The following SCAPER variants were observed in gnomAD, a reference collection of about 807,000 sequenced individuals.
SCAPER encodes the protein S phase cyclin A-associated protein in the endoplasmic reticulum.
In SCAPER, 98 loss-of-function variants were observed where a neutral mutation model predicts 182.2. The ratio of observed to expected loss-of-function variants is 0.54; its 90% confidence interval spans 0.46 to 0.64. The LOEUF (loss-of-function observed/expected upper bound fraction) is 0.64. Among genes scored for constraint, SCAPER ranks in the 30% least tolerant of loss-of-function variants. The pLI is 0.00. For missense variants in SCAPER, 1,432 were observed against 1,690.0 expected (o/e 0.85, Z 2.68); for synonymous variants, 605 against 564.6 (o/e 1.07, Z -1.01).
chr15:76,625,130 G>C (rs1021153561), intron 21 of SCAPER, among the ~76,000 whole-genome samples: 2 of 152,170 alleles, frequency 1.3e-5, no homozygotes, highest in Non-Finnish European at 2.9e-5. Flanking sequence ...CAACATGCTT[G>C]GTTACTGGGG....
chr15:76,772,122 G>A (rs1290472385), intron 9 of SCAPER, among the ~76,000 whole-genome samples, 168 bp from the exon 10 acceptor site: 1 of 151,992 alleles, frequency 6.6e-6, no homozygotes, highest in African/African-American at 2.4e-5. Flanking sequence ...TGTAACAAAA[G>A]GACAGGGACC....
intron 2 of SCAPER, among the ~76,000 whole-genome samples, chr15:76,870,978 C>A (rs1168341904): frequency 6.6e-6 from 1 of 151,978 alleles, no homozygotes; most frequent in Non-Finnish European, 1.5e-5. Context: ...GAAGTAGTTA[C>A]AAGTAACCTC....
intron 22 of SCAPER, among the ~76,000 whole-genome samples, chr15:76,595,485 C>T (rs1216001444): frequency 1.6e-5 from 2 of 121,740 alleles, no homozygotes; most frequent in African/African-American, 5.0e-5. Flanking sequence ...CTACAGAACT[C>T]TCCACCCCAA....
chr15:76,511,817 AAG>A (rs2042044453), intron 23 of SCAPER, among the ~76,000 whole-genome samples: 2 of 147,802 alleles, frequency 1.4e-5, no homozygotes, highest in African/African-American at 5.0e-5. Context: ...AAGGCTGACA[AAG>A]ATACACTTAT....
chr15:76,665,606 T>C (rs1357988138), intron 21 of SCAPER, 47 bp downstream of exon 21: 3 of 1,528,032 alleles, frequency 2.0e-6, no homozygotes, highest in Non-Finnish European at 8.7e-7. Flanking sequence ...CATTAAAAGA[T>C]ACATCACTAA....
intron 5 of SCAPER, among the ~76,000 whole-genome samples, chr15:76,818,322 A>G (rs150673210): frequency 6.6e-6 from 1 of 152,358 alleles, no homozygotes; most frequent in African/African-American, 2.4e-5. Context: ...ACCCAACTGT[A>G]AAATACAAAA....
intron 22 of SCAPER, among the ~76,000 whole-genome samples, chr15:76,614,443 T>A (rs150706167): frequency 6.6e-6 from 1 of 152,060 alleles, no homozygotes; most frequent in African/African-American, 2.4e-5. Context: ...GAAGACTCAA[T>A]AGATTCACAA....
chr15:76,471,095 CTTCT>C (rs1801803420), intron 25 of SCAPER, 113 bp downstream of exon 25: 7 of 804,988 alleles, frequency 8.7e-6, no homozygotes, highest in East Asian at 6.9e-5. Context: ...TCTTCTTCTT[CTTCT>C]TTTTTTTTTT....
intron 23 of SCAPER, among the ~76,000 whole-genome samples, chr15:76,556,252 G>A (rs1355823006): frequency 6.6e-6 from 1 of 152,084 alleles, no homozygotes; most frequent in Non-Finnish European, 1.5e-5. Flanking sequence ...ACCAGAATCT[G>A]TGCAACACAG....
intron 21 of SCAPER, among the ~76,000 whole-genome samples, chr15:76,628,589 T>C (rs758716896): frequency 1.3e-5 from 2 of 152,186 alleles, no homozygotes; most frequent in African/African-American, 2.4e-5. Flanking sequence ...TGTAGGTGTG[T>C]GGCCTTATTT....
chr15:76,841,955 AAAAT>A (rs1454302044), intron 4 of SCAPER, 24 bp from the exon 5 acceptor site: 2 of 1,581,788 alleles, frequency 1.3e-6, no homozygotes, highest in African/African-American at 1.4e-5. Context: ...ATAAAACATG[AAAAT>A]AAATAAATAA....
chr15:76,573,819 G>A (rs558419079), intron 23 of SCAPER, among the ~76,000 whole-genome samples: 10 of 152,198 alleles, frequency 6.6e-5, no homozygotes, highest in Admixed American at 6.5e-4. Flanking sequence ...TGTGATTTAT[G>A]AGGCTTTATA....
At chr15:76,590,442 A>G (rs2049021496) in intron 22 of SCAPER, among the ~76,000 whole-genome samples, 1 of 152,230 alleles carries the variant, frequency 6.6e-6, no homozygotes, top group Non-Finnish European at 1.5e-5. Context: ...GGTTCTATTA[A>G]AATCAGAATG....
intron 8 of SCAPER, among the ~76,000 whole-genome samples, chr15:76,785,640 A>G (rs1306685646): frequency 6.6e-6 from 1 of 152,242 alleles, no homozygotes; most frequent in Non-Finnish European, 1.5e-5. Flanking sequence ...ATGTCAATCA[A>G]TGATAGACTG....
intron 24 of SCAPER, among the ~76,000 whole-genome samples, chr15:76,491,006 G>A (rs915054477): frequency 1.3e-5 from 2 of 152,072 alleles, no homozygotes; most frequent in African/African-American, 4.8e-5. Context: ...GACTAGAAGA[G>A]GCAGAGAGAG....
At chr15:76,542,087 T>A (rs1212130438) in intron 23 of SCAPER, among the ~76,000 whole-genome samples, 2 of 152,174 alleles carry the variant, frequency 1.3e-5, no homozygotes, top group Non-Finnish European at 2.9e-5. Flanking sequence ...ATCTGACTAT[T>A]TTCTGCTTAT....
chr15:76,534,725 A>G (rs1465465787), intron 23 of SCAPER, among the ~76,000 whole-genome samples: 1 of 152,198 alleles, frequency 6.6e-6, no homozygotes, highest in Admixed American at 6.5e-5. Context: ...TAGGATGAAT[A>G]GTTCTCTTGA....
rs184003295 is a variant in SCAPER, at chr15:76,621,818, T to A, written c.2657A>T (p.Tyr886Phe). The A allele has an allele frequency of 4.9e-3, 7,923 of 1,605,562 alleles. 33 individuals are homozygous for A. Among genetic ancestry groups the A allele is most frequent in the Non-Finnish European group, 5.6e-3 (6,585 of 1,175,722 alleles). Residue 886 changes from tyrosine to phenylalanine, a missense_variant, in exon 22 of 32, where the codon TAT becomes TTT. Physicochemically the swap from Tyr to Phe is conservative, Grantham distance 22. Coordinates refer to ENST00000563290, the MANE Select transcript of SCAPER (RefSeq NM_020843.4). ...KARMNFRAKE[Y>F]ESLMETKNSG... is the part of the protein sequence containing the mutation. ...ATTTTTGGTTTCCATTAAACTCTCA[T>A]ATTCCTTAGCCCTGAAGAGAAAAAA...
At chr15:76,582,793 C>A (rs545749031) in intron 22 of SCAPER, among the ~76,000 whole-genome samples, 4 of 152,220 alleles carry the variant, frequency 2.6e-5, no homozygotes, top group East Asian at 3.9e-4. Context: ...AGAAACAAAT[C>A]CTTACATCTA....
Sources: allele counts gnomAD v4.1 joint callset (sites outside exome capture counted in the v4.1 genomes callset), GRCh38; gene constraint gnomAD v4.1.1; transcripts MANE v1.5; gene names NCBI Gene and HGNC (gene_info 2026-07-23, HGNC 2026-07-21).